The following TBC1D15 variants were observed in gnomAD, a reference collection of about 807,000 sequenced individuals.
TBC1D15 encodes GAP for RAB7.
In TBC1D15, 39 loss-of-function variants were observed where a neutral mutation model predicts 95.4. The observed-to-expected ratio is 0.41, with a 90% confidence interval of 0.32 to 0.53. The LOEUF (loss-of-function observed/expected upper bound fraction) is 0.53, where lower values mean the gene tolerates loss of function less well. Among genes scored for constraint, TBC1D15 ranks in the 20% least tolerant of loss-of-function variants. TBC1D15 has a pLI of 0.29. For missense variants in TBC1D15, 733 were observed against 794.3 expected (o/e 0.92, Z 0.93); for synonymous variants, 258 against 261.3 (o/e 0.99, Z 0.12).
At chr12:71,895,922 T>G in intron 7 of TBC1D15, 25 bp from the exon 8 acceptor site, 1 of 1,606,678 alleles carries the variant, frequency 6.2e-7, no homozygotes, top group Non-Finnish European at 8.5e-7. Flanking sequence ...AATATGTACT[T>G]ATTATTGCTT....
rs1868926437 is a variant in TBC1D15, at chr12:71,920,621, C to T, written c.1600-110C>T. 3.6e-6 allele frequency: 3 copies of T among 842,700 alleles called. No individual in the cohort carries two copies. In the African/African-American group the frequency reaches 5.1e-5, roughly 14 times the overall value. 52.2% of individuals were successfully genotyped at this position (842,700 alleles called of 1,614,324 possible). A position where few individuals can be genotyped will look rare whatever the true frequency, so the allele number is the denominator to read the frequency against. The stretch of plus-strand genomic sequence containing the variant: ...TAGAAAAACCTTGGGCTACCCTAAA[C>T]AGGCAACATCTACTTTGCATAGAAG... On this transcript the variant is annotated intron_variant, in intron 14 of 16. Transcript: ENST00000485960.
intron 12 of TBC1D15, among the ~76,000 whole-genome samples, chr12:71,916,778 G>T (rs1566076763): frequency 1.3e-5 from 2 of 152,174 alleles, no homozygotes; most frequent in South Asian, 2.1e-4. Flanking sequence ...TCAGGTGTTG[G>T]TAGGGAGTCT....
chr12:71,849,991 CA>C, intron 1 of TBC1D15: 2 of 511,246 alleles, frequency 3.9e-6, no homozygotes, highest in South Asian at 1.7e-5. Flanking sequence ...GCTCTAAACT[CA>C]AAAAATTAAA....
chr12:71,840,639 A>C (rs1156684010), intron 1 of TBC1D15, among the ~76,000 whole-genome samples: 1 of 152,208 alleles, frequency 6.6e-6, no homozygotes, highest in African/African-American at 2.4e-5. Flanking sequence ...GGAGTATTTC[A>C]TAAACAGCTG....
chr12:71,846,983 C>T (rs1047968801), intron 1 of TBC1D15, among the ~76,000 whole-genome samples: 1 of 151,962 alleles, frequency 6.6e-6, no homozygotes, highest in African/African-American at 2.4e-5. Flanking sequence ...CTGCTTAGAA[C>T]TCTTGGCCTC....
chr12:71,855,470 A>T (rs112363776), intron 1 of TBC1D15, among the ~76,000 whole-genome samples: 5,485 of 152,130 alleles, frequency 0.036, 129 homozygotes, highest in Non-Finnish European at 0.056. Context: ...GATTGAGACC[A>T]TCCTGGCTAA....
At chr12:71,879,008 C>A (rs1014847688) in intron 3 of TBC1D15, among the ~76,000 whole-genome samples, 2 of 151,866 alleles carry the variant, frequency 1.3e-5, no homozygotes, top group Admixed American at 6.6e-5. Context: ...ACTAATTTTC[C>A]TTTTCTCTTT....
intron 10 of TBC1D15, among the ~76,000 whole-genome samples, chr12:71,903,948 C>G (rs553444589): frequency 6.6e-6 from 1 of 152,246 alleles, no homozygotes; most frequent in South Asian, 2.1e-4. Flanking sequence ...CACCAAACCC[C>G]CATGACACAC....
chr12:71,878,609 G>A (rs1328472714), intron 3 of TBC1D15, among the ~76,000 whole-genome samples: 5 of 151,212 alleles, frequency 3.3e-5, no homozygotes, highest in East Asian at 1.9e-4. Flanking sequence ...TCCGCCTCCC[G>A]AGTTCAAGCG....
At chr12:71,920,642 A>G in intron 14 of TBC1D15, 89 bp from the exon 15 acceptor site, 4 of 1,006,628 alleles carry the variant, frequency 4.0e-6, no homozygotes, top group Non-Finnish European at 6.2e-6. Context: ...TACTTTGCAT[A>G]GAAGTCATTC....
chr12:71,878,619 G>A (rs909070789), intron 3 of TBC1D15, among the ~76,000 whole-genome samples: 1 of 151,452 alleles, frequency 6.6e-6, no homozygotes, highest in African/African-American at 2.4e-5. Context: ...GAGTTCAAGC[G>A]ATTCTGGTGC....
chr12:71,885,307 G>A (rs1170596702), intron 5 of TBC1D15, among the ~76,000 whole-genome samples: 1 of 152,010 alleles, frequency 6.6e-6, no homozygotes, highest in East Asian at 1.9e-4. Flanking sequence ...GTAATTTATG[G>A]CCTATGTGTT....
intron 5 of TBC1D15, among the ~76,000 whole-genome samples, chr12:71,886,599 G>T (rs951958161): frequency 5.9e-5 from 9 of 152,190 alleles, no homozygotes; most frequent in African/African-American, 1.7e-4. Flanking sequence ...GAAGATTCTC[G>T]ACTGTGTATT....
intron 1 of TBC1D15, among the ~76,000 whole-genome samples, chr12:71,841,704 T>C (rs1419187015): frequency 6.6e-6 from 1 of 152,218 alleles, no homozygotes; most frequent in Non-Finnish European, 1.5e-5. Flanking sequence ...CTATTCTTGA[T>C]TTCTTGGCTG....
intron 1 of TBC1D15, among the ~76,000 whole-genome samples, chr12:71,847,948 C>G (rs2114295): frequency 0.098 from 14,757 of 150,408 alleles, 851 homozygotes; most frequent in East Asian, 0.17. Context: ...AAATACAAAA[C>G]TAGCTGGGCA....
At chr12:71,908,360 T>C (rs1172329740) in intron 11 of TBC1D15, among the ~76,000 whole-genome samples, 1 of 152,208 alleles carries the variant, frequency 6.6e-6, no homozygotes, top group Non-Finnish European at 1.5e-5. Flanking sequence ...AATGTTTGAC[T>C]TATCTGCTAT....
intron 1 of TBC1D15, among the ~76,000 whole-genome samples, chr12:71,842,071 G>A (rs1383532380): frequency 2.0e-5 from 3 of 152,072 alleles, no homozygotes; most frequent in African/African-American, 4.8e-5. Flanking sequence ...AAAATCACTC[G>A]TGATACTTTT....
At chr12:71,913,556 C>T (rs938346285) in intron 11 of TBC1D15, 6 of 287,258 alleles carry the variant, frequency 2.1e-5, no homozygotes, top group Non-Finnish European at 3.8e-5. Flanking sequence ...AAAAATATTA[C>T]CCACTCTTGA....
intron 1 of TBC1D15, among the ~76,000 whole-genome samples, chr12:71,858,787 G>A (rs1315825867): frequency 5.9e-5 from 9 of 151,868 alleles, no homozygotes; most frequent in Non-Finnish European, 1.2e-4. Flanking sequence ...GAACTCCTGA[G>A]CTCAAGCCAT....
Sources: allele counts gnomAD v4.1 joint callset (sites outside exome capture counted in the v4.1 genomes callset), GRCh38; gene constraint gnomAD v4.1.1; transcripts MANE v1.5; gene names NCBI Gene and HGNC (gene_info 2026-07-23, HGNC 2026-07-21).